PRKG1: variants seen among roughly 807,000 people sequenced by gnomAD.
The protein encoded by PRKG1 is cGMP-dependent protein kinase 1.
Under a neutral mutation model 88.1 loss-of-function variants are expected in PRKG1, and 35 were observed. The observed-to-expected ratio is 0.40, with a 90% CI of 0.30 to 0.53. The LOEUF is 0.53. Ranked by LOEUF, PRKG1 falls within the 20% of genes least tolerant of loss-of-function variation. The pLI is 0.59. For missense variants in PRKG1, 540 were observed against 839.8 expected, an observed-to-expected ratio of 0.64 and a Z score of 4.41; for synonymous variants, 303 against 292.5, an observed-to-expected ratio of 1.04 and a Z score of -0.37.
chr10:51,256,449 T>C (rs1054354464), intron 2 of PRKG1, among the ~76,000 whole-genome samples: 7 of 152,130 alleles, frequency 4.6e-5, no homozygotes, highest in African/African-American at 1.4e-4. Context: ...TCCCATGTAC[T>C]GAGATAGCGT....
At chr10:51,759,163 G>A (rs1589263501) in intron 3 of PRKG1, among the ~76,000 whole-genome samples, 1 of 152,132 alleles carries the variant, frequency 6.6e-6, no homozygotes, top group African/African-American at 2.4e-5. Context: ...ACATACATGT[G>A]CATGTATCTT....
chr10:51,372,892 A>G (rs1481973484), intron 2 of PRKG1, among the ~76,000 whole-genome samples: 6 of 152,134 alleles, frequency 3.9e-5, no homozygotes, highest in Non-Finnish European at 7.4e-5. Context: ...CTTGTTCATA[A>G]TGTATTATAT....
intron 5 of PRKG1, among the ~76,000 whole-genome samples, chr10:51,976,414 C>T (rs1431111308): frequency 6.6e-6 from 1 of 151,888 alleles, no homozygotes; most frequent in Non-Finnish European, 1.5e-5. Context: ...GAATATTACT[C>T]AAGCATAAAA....
intron 3 of PRKG1, among the ~76,000 whole-genome samples, chr10:51,524,705 G>A (rs571994755): frequency 6.6e-6 from 1 of 152,322 alleles, no homozygotes; most frequent in Admixed American, 6.5e-5. Flanking sequence ...CCTCACAAGT[G>A]TGGGTGATGT....
chr10:51,943,094 G>A (rs1334210047), intron 5 of PRKG1, among the ~76,000 whole-genome samples: 1 of 152,128 alleles, frequency 6.6e-6, no homozygotes, highest in African/African-American at 2.4e-5. Flanking sequence ...AGCATGGAAT[G>A]TTCTTCCATT....
At chr10:51,685,243 A>T (rs1182769131) in intron 3 of PRKG1, among the ~76,000 whole-genome samples, 1 of 152,190 alleles carries the variant, frequency 6.6e-6, no homozygotes, top group Non-Finnish European at 1.5e-5. Flanking sequence ...ACAAACTTGG[A>T]TTCAATGGTG....
chr10:51,510,441 A>G (rs917218848), intron 3 of PRKG1, among the ~76,000 whole-genome samples: 3 of 152,154 alleles, frequency 2.0e-5, no homozygotes, highest in Admixed American at 1.3e-4. Flanking sequence ...GTCATATGAA[A>G]TGTTGCTTTC....
Position 51,143,953 on chromosome 10 carries a change from C to G in PRKG1, c.312-9211C>G, listed in dbSNP as rs75265039. Among the ~76,000 whole-genome samples, 998 of 152,032 alleles carry G rather than the reference C, an allele frequency of 6.6e-3. 18 individuals are homozygous for G. Among genetic ancestry groups the G allele is most frequent in the African/African-American group, 0.023 (942 of 41,520 alleles). On this transcript the variant is annotated intron_variant, in intron 1 of 17. Transcript: ENST00000373980. ...TTCATTCTTTTGATTGTTTCCTTAA[C>G]TGTAAAGAGGCTTTTTTTGATGTAA...
intron 2 of PRKG1, among the ~76,000 whole-genome samples, chr10:51,352,155 T>A (rs993487092): frequency 1.3e-5 from 2 of 152,162 alleles, no homozygotes; most frequent in Non-Finnish European, 2.9e-5. Flanking sequence ...AGCCCTGTAG[T>A]ATAGTTTGAA....
At chr10:51,042,162 C>T (rs1423252927) in intron 1 of PRKG1, among the ~76,000 whole-genome samples, 2 of 152,166 alleles carry the variant, frequency 1.3e-5, no homozygotes, top group Admixed American at 1.3e-4. Context: ...ACTCTCACAC[C>T]TCCTCCTGGT....
intron 9 of PRKG1, among the ~76,000 whole-genome samples, chr10:52,187,015 A>G (rs1240101105): frequency 6.6e-6 from 1 of 152,346 alleles, no homozygotes; most frequent in African/African-American, 2.4e-5. Context: ...CAAATTTTAT[A>G]AAATAATTTA....
intron 2 of PRKG1, among the ~76,000 whole-genome samples, chr10:51,279,988 G>A (rs1182655179): frequency 6.6e-6 from 1 of 152,166 alleles, no homozygotes; most frequent in South Asian, 2.1e-4. Context: ...TTACAGTTTG[G>A]CATGCTTTTG....
At chr10:51,738,197 T>C (rs1450163645) in intron 3 of PRKG1, among the ~76,000 whole-genome samples, 1 of 152,180 alleles carries the variant, frequency 6.6e-6, no homozygotes, top group East Asian at 1.9e-4. Flanking sequence ...ATATATCCTC[T>C]TACAGTCCTC....
chr10:52,257,773 A>T (rs1156324746), intron 10 of PRKG1, among the ~76,000 whole-genome samples: 1 of 139,678 alleles, frequency 7.2e-6, no homozygotes, highest in Non-Finnish European at 1.6e-5. Context: ...AAAATTATTA[A>T]CTCTAATAAA....
intron 1 of PRKG1, 27 bp downstream of exon 1, chr10:51,074,928 A>G (rs752143453): frequency 1.9e-5 from 29 of 1,563,130 alleles, no homozygotes; most frequent in Non-Finnish European, 2.4e-5. Flanking sequence ...CGCCGGGTCC[A>G]TGTGGCGCCC....
chr10:51,344,672 T>G (rs1842075328), intron 2 of PRKG1, among the ~76,000 whole-genome samples: 1 of 152,122 alleles, frequency 6.6e-6, no homozygotes, highest in African/African-American at 2.4e-5. Flanking sequence ...TGTCCTTTTT[T>G]TTTCACTGTC....
intron 5 of PRKG1, among the ~76,000 whole-genome samples, chr10:51,926,240 G>A (rs1003540782): frequency 6.6e-6 from 1 of 152,082 alleles, no homozygotes; most frequent in Non-Finnish European, 1.5e-5. Flanking sequence ...CGAGCTGAAC[G>A]CTAGGCCAGA....
chr10:51,916,319 G>A (rs764973615), intron 5 of PRKG1, among the ~76,000 whole-genome samples: 6 of 152,116 alleles, frequency 3.9e-5, no homozygotes, highest in East Asian at 1.9e-4. Context: ...ACCTCTGGTC[G>A]TCCTCACTGC....
intron 3 of PRKG1, among the ~76,000 whole-genome samples, chr10:51,715,008 T>TA (rs1841851968): frequency 6.6e-6 from 1 of 152,202 alleles, no homozygotes; most frequent in South Asian, 2.1e-4. Context: ...ATTCTTTTTT[T>TA]ATTTCCCCCC....
Sources: gnomAD v4.1 joint callset for allele counts (sites outside exome capture counted in the v4.1 genomes callset) on GRCh38, gnomAD v4.1.1 for gene constraint, MANE v1.5 for transcripts, NCBI Gene and HGNC (gene_info 2026-07-23, HGNC 2026-07-21) for gene names.